MAPK10: variants seen among roughly 807,000 people sequenced by gnomAD.
MAPK10 encodes mitogen-activated protein kinase 10.
MAPK10 carries 25 observed loss-of-function variants against 59.3 expected under a neutral mutation model. The observed-to-expected ratio is 0.42, with a 90% CI of 0.31 to 0.59. The LOEUF (loss-of-function observed/expected upper bound fraction) is 0.59, where lower values mean the gene tolerates loss of function less well. Among genes scored for constraint, MAPK10 ranks in the 20% least tolerant of loss-of-function variants. The probability of loss-of-function intolerance (pLI) is 0.15; values close to 1 mark genes in which losing one functional copy is unlikely to be tolerated. For synonymous variants in MAPK10, 190 were observed against 200.5 expected, an observed-to-expected ratio of 0.95 and a Z score of 0.44; for missense variants, 351 against 568.9, an observed-to-expected ratio of 0.62 and a Z score of 3.90.
intron 4 of MAPK10, among the ~76,000 whole-genome samples, chr4:86,137,126 C>T (rs1368189656): frequency 5.3e-5 from 8 of 150,538 alleles, no homozygotes; most frequent in Admixed American, 1.3e-4. Context: ...GACAGATCAA[C>T]GAGACAGAAG....
At chr4:86,174,004 T>C in intron 3 of MAPK10, among the ~76,000 whole-genome samples, 1 of 138,264 alleles carries the variant, frequency 7.2e-6, no homozygotes, top group Non-Finnish European at 1.6e-5. Flanking sequence ...GAAATAAGAA[T>C]GCTTTTACAC....
intron 11 of MAPK10, among the ~76,000 whole-genome samples, chr4:86,034,787 G>C (rs1446746989): frequency 6.6e-6 from 1 of 152,104 alleles, no homozygotes; most frequent in Non-Finnish European, 1.5e-5. Flanking sequence ...TGCTTATTCA[G>C]TGAGCGAAAG....
chr4:86,345,408 A>C (rs1727552700), intron 2 of MAPK10, among the ~76,000 whole-genome samples: 1 of 152,196 alleles, frequency 6.6e-6, no homozygotes, highest in African/African-American at 2.4e-5. Context: ...TCTTATCTTG[A>C]AATTATTCTT....
chr4:86,461,812 T>C (rs1564905877), intron 1 of MAPK10, among the ~76,000 whole-genome samples: 1 of 152,180 alleles, frequency 6.6e-6, no homozygotes, highest in African/African-American at 2.4e-5. Flanking sequence ...CAAAAAGTAG[T>C]TGCCCCAGTA....
At position 86,107,319 on chromosome 4, in the gene MAPK10, C is replaced by T; in HGVS notation, c.270G>A (p.Val90=). ...AAYDAVLDRN[V]AIKKLSRPFQ... is the part of the protein sequence containing the mutation. ...AGGGTCTGCTGAGCTTCTTAATGGC[C>T]ACATTTCTGTCAAGGACAGCATCAT... The change falls in exon 5 of 14, where the codon GTG becomes GTA. Residue 90 remains valine (V), a synonymous_variant. Transcript: ENST00000641462. The T allele has an allele frequency of 6.2e-7, 1 of 1,613,186 alleles. No individual in the cohort carries two copies. Among genetic ancestry groups the T allele is most frequent in the Non-Finnish European group, 8.5e-7 (1 of 1,179,436 alleles).
intron 1 of MAPK10, among the ~76,000 whole-genome samples, chr4:86,484,397 T>G (rs1327131964): frequency 6.6e-6 from 1 of 151,862 alleles, no homozygotes; most frequent in Non-Finnish European, 1.5e-5. Context: ...GCTTTCGTAA[T>G]GTTCTCACTT....
chr4:86,511,760 G>C (rs1483050192), intron 1 of MAPK10, among the ~76,000 whole-genome samples: 2 of 148,238 alleles, frequency 1.3e-5, no homozygotes, highest in African/African-American at 2.5e-5. Context: ...GGGGAGGGGA[G>C]AGAGGAAGAG....
intron 1 of MAPK10, among the ~76,000 whole-genome samples, chr4:86,477,429 G>C (rs1370884105): frequency 6.6e-6 from 1 of 151,928 alleles, no homozygotes; most frequent in African/African-American, 2.4e-5. Flanking sequence ...TTTTCTCCCA[G>C]TTCAAAGCCT....
chr4:86,290,831 T>C (rs560088411), intron 2 of MAPK10, among the ~76,000 whole-genome samples: 1 of 152,332 alleles, frequency 6.6e-6, no homozygotes, highest in Admixed American at 6.5e-5. Context: ...CATAGACTTA[T>C]CTTCCTCTAG....
At chr4:86,036,824 C>T (rs1013489371) in intron 11 of MAPK10, among the ~76,000 whole-genome samples, 1 of 152,160 alleles carries the variant, frequency 6.6e-6, no homozygotes, top group African/African-American at 2.4e-5. Context: ...ACGCCCTTCG[C>T]TCCTTTAAGT....
chr4:86,494,487 C>G (rs1262811671), intron 1 of MAPK10, among the ~76,000 whole-genome samples: 2 of 152,136 alleles, frequency 1.3e-5, no homozygotes, highest in African/African-American at 4.8e-5. Context: ...AAACCTGGAG[C>G]TAAGGGAGTG....
At chr4:86,074,435 C>T (rs1372183874) in intron 9 of MAPK10, among the ~76,000 whole-genome samples, 1 of 150,456 alleles carries the variant, frequency 6.6e-6, no homozygotes, top group Non-Finnish European at 1.5e-5. Context: ...ATTCTGTCAT[C>T]ATGATGTTAG....
intron 1 of MAPK10, among the ~76,000 whole-genome samples, chr4:86,426,037 ATGTT>A (rs963530822): frequency 1.4e-4 from 21 of 152,108 alleles, no homozygotes; most frequent in African/African-American, 5.1e-4. Context: ...TCTCATTCAA[ATGTT>A]TGTTTCAAAA....
At chr4:86,181,520 T>C (rs1362857754) in intron 3 of MAPK10, among the ~76,000 whole-genome samples, 3 of 152,118 alleles carry the variant, frequency 2.0e-5, no homozygotes, top group Non-Finnish European at 4.4e-5. Flanking sequence ...ATTAGGAAAA[T>C]AATGAAAACA....
At chr4:86,378,617 T>A (rs1249915795) in intron 1 of MAPK10, among the ~76,000 whole-genome samples, 1 of 152,204 alleles carries the variant, frequency 6.6e-6, no homozygotes, top group Non-Finnish European at 1.5e-5. Context: ...TATACTAGAG[T>A]ACATTATGTA....
chr4:86,319,793 C>T (rs2095855337), intron 2 of MAPK10, among the ~76,000 whole-genome samples: 1 of 152,226 alleles, frequency 6.6e-6, no homozygotes, highest in African/African-American at 2.4e-5. Flanking sequence ...CTCCCAAGTG[C>T]TTCTGCCTCA....
At position 86,471,140 on chromosome 4, in the gene MAPK10, G is replaced by A. The variant is rs182576199; in HGVS notation, c.-262-116496C>T. On this transcript the variant is annotated intron_variant, in intron 1 of 4. Coordinates refer to the MAPK10 transcript ENST00000502302. ...AAAAATTAGCTGGGTGTGGTGGCACGTGCCTGTAATCCCAATTACTCAGGA... is the reference window on the plus strand; with the variant it reads ...AAAAATTAGCTGGGTGTGGTGGCACATGCCTGTAATCCCAATTACTCAGGA... Among the ~76,000 whole-genome samples the A allele has an allele frequency of 6.3e-3, 963 of 151,854 alleles. 16 individuals carry two copies. Among genetic ancestry groups the A allele is most frequent in the African/African-American group, 0.022 (927 of 41,414 alleles).
chr4:86,325,065 A>ACT (rs575870251), intron 2 of MAPK10, among the ~76,000 whole-genome samples: 2 of 152,140 alleles, frequency 1.3e-5, no homozygotes, highest in South Asian at 2.1e-4. Flanking sequence ...CTAATTTCCA[A>ACT]CTCTCTCTCT....
At chr4:86,366,689 A>G (rs1737954165) in intron 1 of MAPK10, among the ~76,000 whole-genome samples, 1 of 152,178 alleles carries the variant, frequency 6.6e-6, no homozygotes, top group African/African-American at 2.4e-5. Context: ...CGTGGCAGTA[A>G]GGAGATTTCT....
Sources: allele counts gnomAD v4.1 joint callset (sites outside exome capture counted in the v4.1 genomes callset), GRCh38; gene constraint gnomAD v4.1.1; transcripts MANE v1.5; gene names NCBI Gene and HGNC (gene_info 2026-07-23, HGNC 2026-07-21).